LRCH1: variants seen among roughly 807,000 people sequenced by gnomAD.
LRCH1 encodes the protein leucine rich repeats and calponin homology domain containing 1.
A neutral mutation model predicts 94.9 loss-of-function variants in LRCH1; 23 were observed. The ratio of observed to expected loss-of-function variants is 0.24; its 90% CI spans 0.17 to 0.34. LRCH1 has a LOEUF of 0.34. LRCH1 is among the 10% of genes least tolerant of loss of function. LRCH1 has a pLI of 1.00. For missense variants in LRCH1, 790 were observed against 945.9 expected (o/e 0.84, Z 2.16); for synonymous variants, 364 against 354.9 (o/e 1.03, Z -0.29).
chr13:46,581,559 C>T (rs1362297735), intron 1 of LRCH1, among the ~76,000 whole-genome samples: 1 of 152,136 alleles, frequency 6.6e-6, no homozygotes, highest in African/African-American at 2.4e-5. Flanking sequence ...CACGAGAACT[C>T]TATAAGACAA....
chr13:46,561,097 A>G (rs2050125376), intron 1 of LRCH1, among the ~76,000 whole-genome samples: 1 of 152,202 alleles, frequency 6.6e-6, no homozygotes, highest in Non-Finnish European at 1.5e-5. Flanking sequence ...AGCTGGAGAA[A>G]AAAATCAGAG....
At chr13:46,621,133 C>A (rs1019204790) in intron 1 of LRCH1, among the ~76,000 whole-genome samples, 4 of 152,212 alleles carry the variant, frequency 2.6e-5, no homozygotes, top group African/African-American at 9.6e-5. Flanking sequence ...CTTTCTCTTA[C>A]TCTCTAACAT....
intron 1 of LRCH1, among the ~76,000 whole-genome samples, chr13:46,620,997 C>T (rs1594292242): frequency 1.3e-5 from 2 of 152,292 alleles, no homozygotes; most frequent in East Asian, 3.9e-4. Context: ...GGGCCTTAGT[C>T]CTTTTCCTTG....
rs1286567174 is a variant in LRCH1, at chr13:46,744,177, C to T, written c.*2329C>T. ...ATGCTAACTGGATGCCTGCGGATGCCTGCCCTTGCAGCTTGACTGGGGATA... is the reference window on the plus strand; with the variant it reads ...ATGCTAACTGGATGCCTGCGGATGCTTGCCCTTGCAGCTTGACTGGGGATA... On this transcript the variant is annotated 3_prime_UTR_variant, in exon 20 of 20. Transcript: ENST00000389797. 1.0e-6 allele frequency: 1 copy of T among 985,264 alleles called. No individual in the cohort carries two copies. 61.0% of individuals were successfully genotyped at this position (985,264 alleles called of 1,614,324 possible). A position where few individuals can be genotyped will look rare whatever the true frequency, so the allele number is the denominator to read the frequency against.
chr13:46,592,702 A>G (rs1272024031), intron 1 of LRCH1, among the ~76,000 whole-genome samples: 1 of 152,088 alleles, frequency 6.6e-6, no homozygotes, highest in Non-Finnish European at 1.5e-5. Flanking sequence ...ATCATACCTA[A>G]TCACTCATTT....
intron 10 of LRCH1, 137 bp from the exon 11 acceptor site, chr13:46,700,984 T>G (rs1165370483): frequency 3.2e-6 from 2 of 630,738 alleles, no homozygotes; most frequent in Non-Finnish European, 5.6e-6. Context: ...TACAAACACA[T>G]TTTCACCATA....
intron 1 of LRCH1, among the ~76,000 whole-genome samples, chr13:46,586,506 C>A (rs147295968): frequency 9.0e-4 from 137 of 152,282 alleles, no homozygotes; most frequent in Non-Finnish European, 1.3e-3. Context: ...GCTTCCACTT[C>A]CCCAGGCTCA....
At chr13:46,726,389 C>T (rs761670442) in intron 17 of LRCH1, among the ~76,000 whole-genome samples, 2 of 152,172 alleles carry the variant, frequency 1.3e-5, no homozygotes, top group Non-Finnish European at 2.9e-5. Flanking sequence ...GAGCCGAAGT[C>T]GCTGGGAACC....
intron 3 of LRCH1, among the ~76,000 whole-genome samples, chr13:46,673,745 A>ATT (rs2051632153): frequency 8.3e-6 from 1 of 120,180 alleles, no homozygotes; most frequent in African/African-American, 3.1e-5. Flanking sequence ...TTCCAAATGG[A>ATT]ATTTTTTTTT....
Position 46,686,377 on chromosome 13 carries a change from C to T in LRCH1, c.822+336C>T, listed in dbSNP as rs375195484. On this transcript the variant is annotated intron_variant, in intron 5 of 19. Transcript: ENST00000389797. ...TGTTTGTCTGGATTCTTCTTGGGCT[C>T]TCTGAGGATCATTCCTTCCTTCTGG... 2.6e-4 allele frequency among the ~76,000 whole-genome samples: 39 copies of T among 152,288 alleles called. 1 individual carries two copies. Among genetic ancestry groups the T allele is most frequent in the East Asian group, 2.3e-3 (12 of 5,186 alleles).
At chr13:46,590,606 A>G (rs774105771) in intron 1 of LRCH1, among the ~76,000 whole-genome samples, 6 of 152,204 alleles carry the variant, frequency 3.9e-5, no homozygotes, top group Non-Finnish European at 7.3e-5. Flanking sequence ...TTGAGGCTGC[A>G]GTGAGCCATG....
chr13:46,711,863 A>G lies in LRCH1; in HGVS notation c.1581+19A>G. 2 of 1,598,910 alleles carry G rather than the reference A, an allele frequency of 1.3e-6. No individual in the cohort carries two copies. Among genetic ancestry groups the G allele is most frequent in the Non-Finnish European group, 1.7e-6 (2 of 1,166,504 alleles). On this transcript the variant is annotated intron_variant, in intron 14 of 19. Coordinates refer to ENST00000389797, the MANE Select transcript of LRCH1 (RefSeq NM_001164211.2). ...AAATGAGGTAAGTTTCTTGAAGATTAATGGAAGGTGAGGTGTTTCTTGATG... is the reference window on the plus strand; with the variant it reads ...AAATGAGGTAAGTTTCTTGAAGATTGATGGAAGGTGAGGTGTTTCTTGATG...
chr13:46,574,221 C>A (rs562671173), intron 1 of LRCH1, among the ~76,000 whole-genome samples: 39 of 151,854 alleles, frequency 2.6e-4, no homozygotes, highest in African/African-American at 9.2e-4. Flanking sequence ...TCCTTTGTAA[C>A]ACAAAGGATA....
Position 46,686,185 on chromosome 13 carries a change from A to C in LRCH1, c.822+144A>C, listed in dbSNP as rs567102652. ...CAGATTAATTGGAGAAAAGGCATCA[A>C]AATTTATTAACATGTACGTGGAAGC... On this transcript the variant is annotated intron_variant, in intron 5 of 19. Coordinates refer to ENST00000389797, the MANE Select transcript of LRCH1 (RefSeq NM_001164211.2). The C allele has an allele frequency of 4.4e-5, 35 of 796,788 alleles. No individual in the cohort carries two copies. The African/African-American group carries it at 6.1e-4, about 14-fold the overall frequency. The allele number at this position is 796,788 out of a possible 1,614,324, so 49.4% of individuals were successfully genotyped here. A position where few individuals can be genotyped will look rare whatever the true frequency, so the allele number is the denominator to read the frequency against.
intron 1 of LRCH1, among the ~76,000 whole-genome samples, chr13:46,637,099 C>T (rs1033685618): frequency 5.3e-5 from 8 of 152,208 alleles, no homozygotes; most frequent in Admixed American, 1.3e-4. Context: ...ATGGCAACTC[C>T]GTTCTTCCAA....
Position 46,742,350 on chromosome 13 carries a change from A to T in LRCH1, c.*502A>T, listed in dbSNP as rs187471864. 176 of 998,744 alleles carry T rather than the reference A, an allele frequency of 1.8e-4. No individual in the cohort carries two copies. In the African/African-American group the frequency reaches 2.8e-3, roughly 16 times the overall value. The allele number at this position is 998,744 out of a possible 1,614,324, so 61.9% of individuals were successfully genotyped here. On this transcript the variant is annotated 3_prime_UTR_variant, in exon 20 of 20. Transcript: ENST00000389797. Reference sequence around the variant, plus strand: ...AACATTTTGGCCCAACTTGATCTATACAAAACTTTAATAATACCACTACTG... The same window carrying T: ...AACATTTTGGCCCAACTTGATCTATTCAAAACTTTAATAATACCACTACTG...
At chr13:46,574,007 G>A (rs530191574) in intron 1 of LRCH1, among the ~76,000 whole-genome samples, 17 of 150,420 alleles carry the variant, frequency 1.1e-4, no homozygotes, top group South Asian at 1.1e-3. Context: ...CACCATGCCC[G>A]GCTAATTTTT....
chr13:46,625,810 C>T (rs1051672612), intron 1 of LRCH1, among the ~76,000 whole-genome samples: 10 of 151,810 alleles, frequency 6.6e-5, no homozygotes, highest in Non-Finnish European at 1.3e-4. Flanking sequence ...TGTGCCACCA[C>T]GCCCAGCTTA....
chr13:46,586,229 G>A (rs1278685578), intron 1 of LRCH1, among the ~76,000 whole-genome samples: 1 of 152,116 alleles, frequency 6.6e-6, no homozygotes, highest in Non-Finnish European at 1.5e-5. Context: ...ACAGGCAGGG[G>A]AAAGATCAGG....
Sources: allele counts gnomAD v4.1 joint callset (sites outside exome capture counted in the v4.1 genomes callset), GRCh38; gene constraint gnomAD v4.1.1; transcripts MANE v1.5; gene names NCBI Gene and HGNC (gene_info 2026-07-23, HGNC 2026-07-21).